The following EPB41 variants were observed in gnomAD, a reference collection of about 807,000 sequenced individuals.
The protein encoded by EPB41 is erythrocyte membrane protein band 4.1, also known as protein 4.1.
EPB41 carries 65 observed loss-of-function variants against 108.0 expected under a neutral mutation model. The ratio of observed to expected loss-of-function variants is 0.60; its 90% CI spans 0.49 to 0.74. The LOEUF is 0.74. Ranked by LOEUF, EPB41 falls within the 30% of genes least tolerant of loss-of-function variation. The pLI, the probability that EPB41 is intolerant of heterozygous loss-of-function variation, is 0.00. For missense variants in EPB41, 875 were observed against 1,037.0 expected (o/e 0.84, Z 2.15); for synonymous variants, 336 against 358.9 (o/e 0.94, Z 0.72).
chr1:28,962,812 G>A (rs2095257555), intron 1 of EPB41, among the ~76,000 whole-genome samples: 1 of 152,158 alleles, frequency 6.6e-6, no homozygotes, highest in Non-Finnish European at 1.5e-5. Flanking sequence ...AGCTGCTGGA[G>A]CATTTATGGC....
chr1:28,999,141 C>T (rs10915213), intron 4 of EPB41, among the ~76,000 whole-genome samples: 18,714 of 152,052 alleles, frequency 0.12, 1,588 homozygotes, highest in African/African-American at 0.25. Flanking sequence ...GAGGCTGAGG[C>T]GGGCGGATCA....
rs1671361282 is a variant in EPB41 at position 29,118,592 on chromosome 1, C to T, written c.*1780C>T. The T allele has an allele frequency of 6.6e-6, 1 of 152,294 alleles. No individual in the cohort carries two copies. The highest frequency in any genetic ancestry group is 2.1e-4 in the South Asian group (1 of 4,828). The allele number at this position is 152,294 out of a possible 1,614,324, so 9.4% of individuals were successfully genotyped here. On this transcript the variant is annotated 3_prime_UTR_variant, in exon 21 of 21. Coordinates refer to ENST00000343067, the MANE Select transcript of EPB41 (RefSeq NM_001376013.1). ...ATGTCTAAAGCTGCTTCTCCCAACA[C>T]CGTCCAAAGTCTCCACTGCCTGAGT...
In EPB41 at chr1:29,097,788, T is replaced by C; in HGVS notation, c.2185-19T>C. 6.2e-7 allele frequency: 1 copy of C among 1,613,572 alleles called. No individual in the cohort carries two copies. Among genetic ancestry groups the C allele is most frequent in the African/African-American group, 1.3e-5 (1 of 75,038 alleles). ...GCCTTCAGAAATACTCTAGTAACTC[T>C]TTCCTTACTGCTTCACAGCCTCCCC... On this transcript the variant is annotated intron_variant, in intron 16 of 20. Coordinates refer to ENST00000343067, the MANE Select transcript of EPB41 (RefSeq NM_001376013.1).
chr1:28,930,109 T>C (rs2093663985), intron 1 of EPB41, among the ~76,000 whole-genome samples: 1 of 150,590 alleles, frequency 6.6e-6, no homozygotes, highest in Non-Finnish European at 1.5e-5. Context: ...TTACCTATTC[T>C]AGACATTTCA....
intron 16 of EPB41, among the ~76,000 whole-genome samples, chr1:29,085,403 C>T (rs1423551537): frequency 6.6e-6 from 1 of 151,982 alleles, no homozygotes; most frequent in Non-Finnish European, 1.5e-5. Context: ...CCTCAGCCTC[C>T]CAAATTGCTA....
At chr1:28,967,003 A>G (rs1557847042) in intron 1 of EPB41, among the ~76,000 whole-genome samples, 1 of 146,638 alleles carries the variant, frequency 6.8e-6, no homozygotes, top group Admixed American at 6.9e-5. Flanking sequence ...AGATAGATTC[A>G]TATGAGAACC....
At chr1:28,930,050 T>C (rs2093661582) in intron 1 of EPB41, among the ~76,000 whole-genome samples, 1 of 151,446 alleles carries the variant, frequency 6.6e-6, no homozygotes, top group Admixed American at 6.6e-5. Flanking sequence ...TTCCCCACCC[T>C]GCAACCCCAG....
chr1:29,027,400 C>T (rs921883337), intron 7 of EPB41, among the ~76,000 whole-genome samples: 6 of 150,584 alleles, frequency 4.0e-5, no homozygotes, highest in African/African-American at 9.8e-5. Flanking sequence ...GGCGCAATCT[C>T]GGCTCACCGA....
intron 18 of EPB41, among the ~76,000 whole-genome samples, chr1:29,111,215 A>G (rs1030553800): frequency 6.6e-6 from 1 of 152,068 alleles, no homozygotes; most frequent in Non-Finnish European, 1.5e-5. Flanking sequence ...GTATAGCATC[A>G]GTATCCAGTC....
intron 1 of EPB41, among the ~76,000 whole-genome samples, chr1:28,895,576 A>G (rs983941772): frequency 6.6e-6 from 1 of 151,902 alleles, no homozygotes; most frequent in Non-Finnish European, 1.5e-5. Flanking sequence ...TGCAACCTCC[A>G]CCTCCTGGGT....
chr1:28,909,618 A>G (rs2092111673), upstream of EPB41, among the ~76,000 whole-genome samples: 1 of 151,956 alleles, frequency 6.6e-6, no homozygotes, highest in Non-Finnish European at 1.5e-5. Context: ...CAACATAGGG[A>G]GACCTCATCT....
chr1:28,981,665 G>A (rs1474577674), intron 1 of EPB41, among the ~76,000 whole-genome samples: 1 of 152,018 alleles, frequency 6.6e-6, no homozygotes, highest in Admixed American at 6.5e-5. Flanking sequence ...ATTACTGGAG[G>A]TATAAATTGT....
chr1:28,987,899 A>G lies in EPB41; in HGVS notation c.462A>G (p.Glu154=). 1 of 1,614,160 alleles carries G rather than the reference A, an allele frequency of 6.2e-7. No individual in the cohort carries two copies. Among genetic ancestry groups the G allele is most frequent in the Non-Finnish European group, 8.5e-7 (1 of 1,179,986 alleles). Residue 154 remains glutamate, a synonymous_variant, in exon 2 of 21, where the codon GAA becomes GAG. Transcript: ENST00000343067. ...SLDLHSLSSA[E]TQPAQEELRE... is the part of the protein sequence containing the mutation. ...ATCTTCATTCATTAAGCAGTGCAGA[A>G]ACACAGGTAAGGATGTGTGGATATG...
At chr1:29,068,942 A>G (rs541557616) in intron 16 of EPB41, among the ~76,000 whole-genome samples, 2 of 152,322 alleles carry the variant, frequency 1.3e-5, no homozygotes, top group East Asian at 3.9e-4. Flanking sequence ...GGCCTAACAC[A>G]TAACACTTCC....
At chr1:29,012,226 G>A (rs2096515341) in intron 5 of EPB41, among the ~76,000 whole-genome samples, 1 of 152,146 alleles carries the variant, frequency 6.6e-6, no homozygotes. Flanking sequence ...GGATATGGGA[G>A]TCAGTTCTCA....
intron 11 of EPB41, among the ~76,000 whole-genome samples, chr1:29,050,355 C>T (rs1644280557): frequency 1.3e-5 from 2 of 152,238 alleles, no homozygotes; most frequent in South Asian, 4.1e-4. Context: ...AGTATTAGTA[C>T]TGGATTGAAA....
chr1:29,060,274 ACT>A (rs1170124050), intron 14 of EPB41, 146 bp from the exon 15 acceptor site: 13 of 628,728 alleles, frequency 2.1e-5, no homozygotes, highest in African/African-American at 3.7e-5. Flanking sequence ...TGTCCGTGTG[ACT>A]CTCTGACCAT....
chr1:29,020,912 G>A (rs2096636141), intron 7 of EPB41, among the ~76,000 whole-genome samples: 1 of 152,126 alleles, frequency 6.6e-6, no homozygotes, highest in African/African-American at 2.4e-5. Flanking sequence ...CAAGGTGCTA[G>A]GACTACAGGC....
intron 4 of EPB41, among the ~76,000 whole-genome samples, chr1:29,001,199 A>G (rs538763228): frequency 8.5e-4 from 130 of 152,226 alleles, no homozygotes; most frequent in South Asian, 1.9e-3. Flanking sequence ...GCATGGTGGC[A>G]CATGCCTGTA....
Sources: gnomAD v4.1 joint callset for allele counts (sites outside exome capture counted in the v4.1 genomes callset) on GRCh38, gnomAD v4.1.1 for gene constraint, MANE v1.5 for transcripts, NCBI Gene and HGNC (gene_info 2026-07-23, HGNC 2026-07-21) for gene names.